The following QKI variants were observed in gnomAD, a reference collection of about 807,000 sequenced individuals.
QKI encodes QKI, KH domain containing RNA binding, also known as KH domain-containing RNA-binding protein QKI.
QKI carries 10 observed loss-of-function variants against 39.0 expected under a neutral mutation model. The ratio of observed to expected loss-of-function variants is 0.26; its 90% CI spans 0.16 to 0.43. QKI has a LOEUF of 0.43. QKI is among the 20% of genes least tolerant of loss of function. The pLI is 1.00. For synonymous variants in QKI, 204 were observed against 155.4 expected (o/e 1.31, Z -2.33); for missense variants, 218 against 428.0 (o/e 0.51, Z 4.33).
intron 7 of QKI, chr6:163,568,635 T>G (rs1783518821): frequency 1.0e-6 from 1 of 975,886 alleles, no homozygotes; most frequent in South Asian, 4.7e-5. Flanking sequence ...GTTAAAATTA[T>G]TTTAAAAAAA....
At position 163,415,009 on chromosome 6, in the gene QKI, C is replaced by T. The variant is rs2128205025; in HGVS notation, c.-185C>T. The T allele has an allele frequency of 4.3e-6, 2 of 465,068 alleles. No individual in the cohort carries two copies. The highest frequency in any genetic ancestry group is 1.6e-4 in the East Asian group (1 of 6,212). 28.8% of individuals were successfully genotyped at this position (465,068 alleles called of 1,614,324 possible). On this transcript the variant is annotated 5_prime_UTR_variant, in exon 1 of 8. Coordinates refer to ENST00000361752, the MANE Select transcript of QKI (RefSeq NM_006775.3). The stretch of plus-strand genomic sequence containing the variant: ...GTCGGGCCCGGGCGGAAAGTGCCTG[C>T]GGGGGGCGGGCGAGCGCGCGGTGCC...
At chr6:163,519,644 A>G (rs191448546) in intron 3 of QKI, among the ~76,000 whole-genome samples, 1 of 151,994 alleles carries the variant, frequency 6.6e-6, no homozygotes, top group African/African-American at 2.4e-5. Context: ...CTATTTTAGA[A>G]TACAGGCAGT....
intron 3 of QKI, among the ~76,000 whole-genome samples, chr6:163,509,046 C>T (rs1025332265): frequency 2.0e-5 from 3 of 151,922 alleles, no homozygotes; most frequent in Non-Finnish European, 2.9e-5. Context: ...GGCTGAGCCA[C>T]GAGAATCACT....
chr6:163,477,343 T>C (rs1204206717), intron 2 of QKI, among the ~76,000 whole-genome samples: 1 of 152,168 alleles, frequency 6.6e-6, no homozygotes, highest in Non-Finnish European at 1.5e-5. Flanking sequence ...ATTACTGTTT[T>C]CATATTTGAG....
chr6:163,527,542 C>T (rs1247716640), intron 3 of QKI, among the ~76,000 whole-genome samples: 2 of 152,064 alleles, frequency 1.3e-5, no homozygotes, highest in African/African-American at 4.8e-5. Context: ...GAGAGTCTGT[C>T]AGCAGGGGTG....
chr6:163,548,674 T>G (rs1782037655), intron 4 of QKI, among the ~76,000 whole-genome samples: 1 of 151,326 alleles, frequency 6.6e-6, no homozygotes, highest in Admixed American at 6.6e-5. Flanking sequence ...TGAGGTGAGG[T>G]ACCCAGTGAG....
chr6:163,415,922 G>T, intron 1 of QKI: 1 of 513,402 alleles, frequency 1.9e-6, no homozygotes. Context: ...TTAGTTTAAA[G>T]AAATTCCGTA....
chr6:163,442,678 T>C (rs1205957033), intron 1 of QKI, among the ~76,000 whole-genome samples: 1 of 152,138 alleles, frequency 6.6e-6, no homozygotes, highest in African/African-American at 2.4e-5. Context: ...GACTTGACAT[T>C]GTGTCATTGC....
At chr6:163,493,342 C>G (rs1007892281) in intron 3 of QKI, among the ~76,000 whole-genome samples, 1 of 152,116 alleles carries the variant, frequency 6.6e-6, no homozygotes, top group African/African-American at 2.4e-5. Flanking sequence ...GTTGGTCAGG[C>G]TGTTCTTGAA....
chr6:163,482,945 G>C (rs1793193133), intron 3 of QKI, among the ~76,000 whole-genome samples: 1 of 152,138 alleles, frequency 6.6e-6, no homozygotes, highest in Admixed American at 6.5e-5. Flanking sequence ...TGTATACTTG[G>C]TTAGGGTTTC....
intron 1 of QKI, among the ~76,000 whole-genome samples, chr6:163,439,514 AT>A (rs899884131): frequency 4.3e-4 from 62 of 143,394 alleles, no homozygotes; most frequent in Middle Eastern, 3.7e-3. Context: ...CACATGGCTA[AT>A]TTTTTTTTTT....
Position 163,563,609 on chromosome 6 carries a change from T to C in QKI, c.824T>C (p.Val275Ala). 6.2e-7 allele frequency: 1 copy of C among 1,614,204 alleles called. No individual in the cohort carries two copies. The highest frequency in any genetic ancestry group is 8.5e-7 in the Non-Finnish European group (1 of 1,180,036). The change falls in exon 6 of 8, where the codon GTT becomes GCT. Residue 275 changes from valine (V) to alanine (A), a missense_variant. Transcript: ENST00000361752. ...NGTPHPTAAIVPPGPEAGLIY... is the reference protein window; with the variant it reads ...NGTPHPTAAIAPPGPEAGLIY... ...ACTCCTCACCCAACTGCTGCAATAG[T>C]TCCTCCAGGGCCCGAAGCTGGTTTA...
chr6:163,460,199 A>G (rs1255804976), intron 2 of QKI, among the ~76,000 whole-genome samples: 1 of 152,150 alleles, frequency 6.6e-6, no homozygotes, highest in African/African-American at 2.4e-5. Context: ...TTGTAGTGAG[A>G]CTTCTTGGAG....
chr6:163,519,310 G>T (rs1290831368), intron 3 of QKI, among the ~76,000 whole-genome samples: 1 of 152,050 alleles, frequency 6.6e-6, no homozygotes, highest in East Asian at 1.9e-4. Flanking sequence ...TCATTAATAA[G>T]AACACATGAG....
chr6:163,422,546 A>G (rs542954634), intron 1 of QKI, among the ~76,000 whole-genome samples: 1 of 152,308 alleles, frequency 6.6e-6, no homozygotes, highest in South Asian at 2.1e-4. Context: ...TGTTATGATC[A>G]TGCTACTGCG....
At chr6:163,486,183 C>T (rs546370288) in intron 3 of QKI, among the ~76,000 whole-genome samples, 13 of 152,324 alleles carry the variant, frequency 8.5e-5, no homozygotes, top group Admixed American at 2.0e-4. Context: ...CCCAGTTGCT[C>T]ATTTCTACCT....
At chr6:163,553,259 A>G (rs1411220998) in intron 4 of QKI, among the ~76,000 whole-genome samples, 1 of 151,762 alleles carries the variant, frequency 6.6e-6, no homozygotes, top group Non-Finnish European at 1.5e-5. Flanking sequence ...GTGCACCACC[A>G]TTGCCAGCTA....
intron 1 of QKI, among the ~76,000 whole-genome samples, chr6:163,420,029 C>T (rs1477537738): frequency 6.6e-6 from 1 of 152,036 alleles, no homozygotes; most frequent in African/African-American, 2.4e-5. Flanking sequence ...AAATAGATTT[C>T]TGTGATGAAA....
At chr6:163,466,790 A>T (rs1334001473) in intron 2 of QKI, among the ~76,000 whole-genome samples, 2 of 152,172 alleles carry the variant, frequency 1.3e-5, no homozygotes, top group African/African-American at 4.8e-5. Flanking sequence ...ACACTGAATT[A>T]TAAAGGTATT....
Sources: allele counts gnomAD v4.1 joint callset (sites outside exome capture counted in the v4.1 genomes callset), GRCh38; gene constraint gnomAD v4.1.1; transcripts MANE v1.5; gene names NCBI Gene and HGNC (gene_info 2026-07-23, HGNC 2026-07-21).